CENPU: variants seen among roughly 807,000 people sequenced by gnomAD.
CENPU encodes KSHV latent nuclear antigen interacting protein 1.
CENPU carries 46 observed loss-of-function variants against 56.7 expected under a neutral mutation model. That is an observed-to-expected ratio of 0.81 (90% CI 0.64 to 1.04). The LOEUF (loss-of-function observed/expected upper bound fraction) is 1.04. CENPU is among the 50% of genes least tolerant of loss of function. The pLI is 0.00. For synonymous variants in CENPU, 166 were observed against 163.0 expected, an observed-to-expected ratio of 1.02 and a Z score of -0.14; for missense variants, 510 against 490.1, an observed-to-expected ratio of 1.04 and a Z score of -0.38.
chr4:184,705,434 G>A (rs1361855472), intron 8 of CENPU, among the ~76,000 whole-genome samples: 1 of 152,126 alleles, frequency 6.6e-6, no homozygotes, highest in Non-Finnish European at 1.5e-5. Context: ...AGTTATAAAA[G>A]GGCAACATGA....
At position 184,700,973 on chromosome 4, in the gene CENPU, A is replaced by C. The variant is rs1579757879; in HGVS notation, c.925-92T>G. 5.1e-6 allele frequency: 5 copies of C among 979,632 alleles called. No individual in the cohort carries two copies. In the East Asian group the frequency reaches 9.7e-5, roughly 19 times the overall value. The allele number at this position is 979,632 out of a possible 1,614,324, so 60.7% of individuals were successfully genotyped here. ...CAGGTAATGAAGTGCAGTGGAAAAC[A>C]AGACAGACCCAGTTCTTACCATCAC... On this transcript the variant is annotated intron_variant, in intron 10 of 12. Transcript: ENST00000281453.
intron 11 of CENPU, chr4:184,699,742 C>T: frequency 1.7e-6 from 1 of 576,024 alleles, no homozygotes; most frequent in Non-Finnish European, 2.8e-6. Context: ...CTCCCTGCAA[C>T]CTCCGCCTCC....
intron 3 of CENPU, among the ~76,000 whole-genome samples, chr4:184,725,918 C>T (rs1444182168): frequency 6.6e-6 from 1 of 152,018 alleles, no homozygotes; most frequent in Non-Finnish European, 1.5e-5. Flanking sequence ...CAGGAGAGAC[C>T]CAGGACTTAA....
chr4:184,722,542 C>G (rs897175574), intron 4 of CENPU, among the ~76,000 whole-genome samples: 2 of 151,444 alleles, frequency 1.3e-5, no homozygotes, highest in African/African-American at 4.9e-5. Flanking sequence ...AAAGAAAACA[C>G]GAAGGGAGAT....
intron 8 of CENPU, 42 bp downstream of exon 8, chr4:184,710,030 G>T: frequency 8.7e-7 from 1 of 1,152,518 alleles, no homozygotes; most frequent in Non-Finnish European, 1.3e-6. Context: ...TGCTTCAGGG[G>T]AAATTTATTA....
chr4:184,730,350 G>A (rs1045375443), intron 2 of CENPU, among the ~76,000 whole-genome samples: 6 of 152,028 alleles, frequency 3.9e-5, no homozygotes, highest in Non-Finnish European at 7.4e-5. Context: ...GCAGGCTGGG[G>A]TTAAGGACTA....
intron 7 of CENPU, 156 bp from the exon 8 acceptor site, chr4:184,710,336 T>C: frequency 2.1e-6 from 1 of 483,026 alleles, no homozygotes; most frequent in Non-Finnish European, 3.7e-6. Context: ...TTCTTATCCC[T>C]GTGCACAGTC....
chr4:184,707,343 A>G (rs1760762092), intron 8 of CENPU, among the ~76,000 whole-genome samples: 1 of 145,402 alleles, frequency 6.9e-6, no homozygotes, highest in Admixed American at 6.7e-5. Flanking sequence ...CGATCTCATC[A>G]ATAGTGTGCC....
At chr4:184,718,179 G>A (rs76799006) in intron 4 of CENPU, among the ~76,000 whole-genome samples, 1 of 152,326 alleles carries the variant, frequency 6.6e-6, no homozygotes, top group East Asian at 1.9e-4. Context: ...GCTGTGGGCA[G>A]TCTCTAGCCA....
Position 184,724,939 on chromosome 4 carries a change from C to A in CENPU, c.320+18G>T. 2.7e-6 allele frequency: 4 copies of A among 1,487,512 alleles called. No individual in the cohort carries two copies. Among genetic ancestry groups the A allele is most frequent in the Non-Finnish European group, 3.7e-6 (4 of 1,075,850 alleles). 92.1% of individuals were successfully genotyped at this position (1,487,512 alleles called of 1,614,324 possible). A position where few individuals can be genotyped will look rare whatever the true frequency, so the allele number is the denominator to read the frequency against. Reference sequence around the variant, plus strand: ...CCCATTAACCATGAATAAACAATTGCTTGAAATACACCAGTACCTTCTTTT... The same window carrying A: ...CCCATTAACCATGAATAAACAATTGATTGAAATACACCAGTACCTTCTTTT... On this transcript the variant is annotated intron_variant, in intron 4 of 12. Coordinates refer to ENST00000281453, the MANE Select transcript of CENPU (RefSeq NM_024629.4).
At chr4:184,727,112 T>A (rs1761483740) in intron 3 of CENPU, among the ~76,000 whole-genome samples, 1 of 95,602 alleles carries the variant, frequency 1.0e-5, no homozygotes, top group South Asian at 2.8e-4. Context: ...GAAGACTTCG[T>A]CTCCAAAAAA....
chr4:184,699,346 A>ATAAG (rs199853824), intron 11 of CENPU, among the ~76,000 whole-genome samples: 8,455 of 149,822 alleles, frequency 0.056, 749 homozygotes, highest in African/African-American at 0.19. Flanking sequence ...AAATAAATAA[A>ATAAG]TAAATAAATA....
rs762442641 is a variant in CENPU at position 184,717,163 on chromosome 4, G to A, written c.354C>T (p.Ile118=). The A allele has an allele frequency of 7.4e-6, 12 of 1,611,820 alleles. No homozygotes were observed. Among genetic ancestry groups the A allele is most frequent in the African/African-American group, 4.0e-5 (3 of 74,866 alleles). ...SDTSGNEASE[I]ESVKISAKKP... Reference sequence around the variant, plus strand: ...TTTTTGCACTAATTTTTACAGATTCGATTTCACTTGCTTCATTTCCAGAAG... The same window carrying A: ...TTTTTGCACTAATTTTTACAGATTCAATTTCACTTGCTTCATTTCCAGAAG... Residue 118 remains isoleucine (I), a synonymous_variant, in exon 5 of 13, where the codon ATC becomes ATT. Coordinates refer to ENST00000281453, the MANE Select transcript of CENPU (RefSeq NM_024629.4).
chr4:184,714,886 C>T (rs1402896581), intron 6 of CENPU, among the ~76,000 whole-genome samples: 1 of 148,916 alleles, frequency 6.7e-6, no homozygotes, highest in African/African-American at 2.5e-5. Context: ...CAGACCATGC[C>T]CCATCACCAA....
Position 184,697,666 on chromosome 4 carries a change from TCTTGAG to T in CENPU, c.1118_1123del (p.Ala373_Gln374del). ...AGTTACCGTTTCCTTTACGTTTGGT[TCTTGAG>T]CTTGAACATCTGAATAATCTTGATA... On this transcript the variant is annotated inframe_deletion, in exon 12 of 13. Coordinates refer to ENST00000281453, the MANE Select transcript of CENPU (RefSeq NM_024629.4). 6.2e-7 allele frequency: 1 copy of T among 1,613,054 alleles called. No individual in the cohort carries two copies. The highest frequency in any genetic ancestry group is 8.5e-7 in the Non-Finnish European group (1 of 1,179,724).
chr4:184,723,714 G>A (rs951903659), intron 4 of CENPU, among the ~76,000 whole-genome samples: 4 of 151,774 alleles, frequency 2.6e-5, no homozygotes, highest in Non-Finnish European at 5.9e-5. Flanking sequence ...ATGGTGGCAC[G>A]TGCCTGTAGT....
At chr4:184,700,993 C>G (rs1760516635) in intron 10 of CENPU, 112 bp from the exon 11 acceptor site, 2 of 809,818 alleles carry the variant, frequency 2.5e-6, no homozygotes, top group East Asian at 5.1e-5. Context: ...CAGTTCTTAC[C>G]ATCACAGACT....
In CENPU at chr4:184,695,225, G is replaced by A. The variant is rs1760216431; in HGVS notation, c.*63C>T. On this transcript the variant is annotated 3_prime_UTR_variant, in exon 13 of 13. Coordinates refer to ENST00000281453, the MANE Select transcript of CENPU (RefSeq NM_024629.4). Reference sequence around the variant, plus strand: ...AAAACAATTGATTTATAAAGGTACAGTTTCAGAAGGTAACAGCATGAGACT... The same window carrying A: ...AAAACAATTGATTTATAAAGGTACAATTTCAGAAGGTAACAGCATGAGACT... 1.9e-6 allele frequency: 2 copies of A among 1,075,936 alleles called. No homozygotes were observed. Among genetic ancestry groups the A allele is most frequent in the Non-Finnish European group, 2.9e-6 (2 of 697,898 alleles). 66.6% of individuals were successfully genotyped at this position (1,075,936 alleles called of 1,614,324 possible). A position where few individuals can be genotyped will look rare whatever the true frequency, so the allele number is the denominator to read the frequency against.
chr4:184,698,762 T>C (rs896824758), intron 11 of CENPU, among the ~76,000 whole-genome samples: 1 of 152,158 alleles, frequency 6.6e-6, no homozygotes, highest in Non-Finnish European at 1.5e-5. Flanking sequence ...AACGATTCTT[T>C]ACACTGAACA....
Sources: gnomAD v4.1 joint callset for allele counts (sites outside exome capture counted in the v4.1 genomes callset) on GRCh38, gnomAD v4.1.1 for gene constraint, MANE v1.5 for transcripts, NCBI Gene and HGNC (gene_info 2026-07-23, HGNC 2026-07-21) for gene names.